Variants in WWP2 observed in about 807,000 individuals in gnomAD.
WWP2 encodes the protein WW domain containing E3 ubiquitin protein ligase 2.
WWP2 carries 57 observed loss-of-function variants against 121.0 expected under a neutral mutation model. The observed-to-expected ratio is 0.47, with a 90% CI of 0.38 to 0.59. The LOEUF (loss-of-function observed/expected upper bound fraction) is 0.59. Ranked by LOEUF, WWP2 falls within the 20% of genes least tolerant of loss-of-function variation. The pLI, the probability that WWP2 is intolerant of heterozygous loss-of-function variation, is 0.00. For missense variants in WWP2, 962 were observed against 1,158.9 expected (o/e 0.83, Z 2.47); for synonymous variants, 449 against 441.3 (o/e 1.02, Z -0.22).
intron 10 of WWP2, among the ~76,000 whole-genome samples, chr16:69,922,447 C>G (rs1408494862): frequency 6.6e-6 from 1 of 152,226 alleles, no homozygotes; most frequent in Non-Finnish European, 1.5e-5. Context: ...CCCAGATCTC[C>G]CAACCCAGGG....
At chr16:69,802,049 C>A (rs1304819587) in intron 4 of WWP2, among the ~76,000 whole-genome samples, 1 of 151,880 alleles carries the variant, frequency 6.6e-6, no homozygotes, top group South Asian at 2.1e-4. Context: ...CCTGCCTCAG[C>A]CTCCCGAGTA....
chr16:69,937,726 C>CACG lies in WWP2; in HGVS notation c.2343+75_2343+77dup. The CACG allele has an allele frequency of 6.9e-7, 1 of 1,444,076 alleles. No homozygotes were observed. The highest frequency in any genetic ancestry group is 9.6e-7 in the Non-Finnish European group (1 of 1,038,902). 89.5% of individuals were successfully genotyped at this position (1,444,076 alleles called of 1,614,324 possible). ...AAGGAAACGGGTCCTGAGGAGGCCT[C>CACG]ACGCGCAAGGACCTTCAGCTTTGGC... is the stretch of plus-strand genomic sequence containing the variant. On this transcript the variant is annotated intron_variant, in intron 21 of 23. Coordinates refer to ENST00000359154, the MANE Select transcript of WWP2 (RefSeq NM_001270454.2). This position sits in a 1 kb window ranked among gnomAD's most constrained non-coding sequence, Gnocchi z 6.6.
chr16:69,799,764 T>C lies in WWP2; in HGVS notation c.340+469T>C, dbSNP rs1404401213. ...TGGGATAGTATTACAAATAGTGCCC[T>C]GTGCTTACTCGGCACTCAGTAAACA... On this transcript the variant is annotated intron_variant, in intron 4 of 23. Transcript: ENST00000359154. The surrounding 1 kb of genome is among the most constrained non-coding windows in gnomAD (Gnocchi z 4.5). Among the ~76,000 whole-genome samples the C allele has an allele frequency of 2.0e-5, 3 of 152,206 alleles. No individual in the cohort carries two copies. The highest frequency in any genetic ancestry group is 2.9e-5 in the Non-Finnish European group (2 of 68,034).
chr16:69,868,771 T>C (rs923287418), intron 6 of WWP2, among the ~76,000 whole-genome samples: 1 of 152,122 alleles, frequency 6.6e-6, no homozygotes, highest in Non-Finnish European at 1.5e-5. Context: ...TTGGAACTCA[T>C]TTGTGCTCAT....
chr16:69,924,868 C>CAGATGGG, intron 10 of WWP2: 1 of 952,860 alleles, frequency 1.0e-6, no homozygotes, highest in Non-Finnish European at 1.2e-6. Flanking sequence ...GCTGCACACC[C>CAGATGGG]AGATGGGAGG....
intron 2 of WWP2, among the ~76,000 whole-genome samples, chr16:69,788,672 C>T (rs1241269686): frequency 6.6e-6 from 1 of 152,202 alleles, no homozygotes; most frequent in African/African-American, 2.4e-5. Flanking sequence ...TCCCTCTCTT[C>T]TTTATATTTT....
Position 69,799,378 on chromosome 16 carries a change from C to T in WWP2, c.340+83C>T. On this transcript the variant is annotated intron_variant, in intron 4 of 23. Transcript: ENST00000359154. This position sits in a 1 kb window ranked among gnomAD's most constrained non-coding sequence, Gnocchi z 4.5. ...CAGATCAACCTGGTATTGCAATTTC[C>T]CCCAGGACTAGGGGCTGCAGTACCT... is the stretch of plus-strand genomic sequence containing the variant. 2 of 1,540,724 alleles carry T rather than the reference C, an allele frequency of 1.3e-6. No individual in the cohort carries two copies. The highest frequency in any genetic ancestry group is 2.0e-5 in the Admixed American group (1 of 51,018).
In WWP2 at chr16:69,810,277, C is replaced by A. The variant is rs372851157; in HGVS notation, c.340+10982C>A. The stretch of plus-strand genomic sequence containing the variant: ...ACGTCCCGCAGTGGCGGATGGTCAA[C>A]CTGGGCTGACTTCTCTCTGAGGGGA... On this transcript the variant is annotated intron_variant, in intron 4 of 23. Coordinates refer to ENST00000359154, the MANE Select transcript of WWP2 (RefSeq NM_001270454.2). Among the ~76,000 whole-genome samples the A allele has an allele frequency of 3.4e-4, 49 of 144,990 alleles. No homozygotes were observed. The South Asian group carries it at 4.9e-3, about 15-fold the overall frequency.
chr16:69,933,543 TTAC>T (rs2058750923), intron 16 of WWP2, among the ~76,000 whole-genome samples: 1 of 152,188 alleles, frequency 6.6e-6, no homozygotes, highest in Admixed American at 6.6e-5. Flanking sequence ...AACAGGGTAG[TTAC>T]TATTCAAACA....
chr16:69,822,532 GGTGTGTGTGTGTGT>G (rs142800550), intron 4 of WWP2, among the ~76,000 whole-genome samples: 5 of 151,102 alleles, frequency 3.3e-5, no homozygotes, highest in African/African-American at 1.2e-4. Context: ...GCCTGGGTGG[GGTGTGTGTGTGTGT>G]GTGTTTGTGT....
intron 1 of WWP2, among the ~76,000 whole-genome samples, chr16:69,784,347 G>T (rs1276439512): frequency 6.6e-6 from 1 of 152,040 alleles, no homozygotes; most frequent in Admixed American, 6.6e-5. Flanking sequence ...TGATCCACCC[G>T]CCTTGGCCTC....
At chr16:69,768,071 A>G (rs2038770608) in intron 1 of WWP2, among the ~76,000 whole-genome samples, 1 of 152,104 alleles carries the variant, frequency 6.6e-6, no homozygotes, top group Non-Finnish European at 1.5e-5. Flanking sequence ...CTCCGGGCTC[A>G]AGTGATCCTC....
chr16:69,777,656 A>G (rs2055565064), intron 1 of WWP2, among the ~76,000 whole-genome samples: 1 of 151,970 alleles, frequency 6.6e-6, no homozygotes, highest in South Asian at 2.1e-4. Flanking sequence ...TACAACTTTT[A>G]TAGTTTCTAC....
chr16:69,897,262 C>T (rs2058119901), intron 8 of WWP2, among the ~76,000 whole-genome samples: 1 of 152,048 alleles, frequency 6.6e-6, no homozygotes, highest in Admixed American at 6.6e-5. Flanking sequence ...CCTACCATGC[C>T]AGGCTAATTT....
intron 4 of WWP2, among the ~76,000 whole-genome samples, chr16:69,815,707 A>C (rs1346161282): frequency 1.3e-5 from 2 of 151,266 alleles, no homozygotes; most frequent in Non-Finnish European, 2.9e-5. Flanking sequence ...GAATTGCTTG[A>C]ACCTGAGAGG....
At chr16:69,898,619 T>C (rs578217506) in intron 8 of WWP2, among the ~76,000 whole-genome samples, 144 of 152,366 alleles carry the variant, frequency 9.5e-4, no homozygotes, top group African/African-American at 3.4e-3. Context: ...GTTTCTTCTT[T>C]TATAAATTGC....
Position 69,799,076 on chromosome 16 carries a change from C to A in WWP2, c.219-98C>A. 6.6e-7 allele frequency: 1 copy of A among 1,521,740 alleles called. No homozygotes were observed. The highest frequency in any genetic ancestry group is 1.3e-5 in the South Asian group (1 of 76,200). 94.3% of individuals were successfully genotyped at this position (1,521,740 alleles called of 1,614,324 possible). On this transcript the variant is annotated intron_variant, in intron 3 of 23. Coordinates refer to ENST00000359154, the MANE Select transcript of WWP2 (RefSeq NM_001270454.2). This position sits in a 1 kb window ranked among gnomAD's most constrained non-coding sequence, Gnocchi z 4.5. ...ATGTGGGTGTCTGCCTGTTTTGGTT[C>A]CCCCTCCCCAAGATGTCAGCAGTTT...
intron 7 of WWP2, among the ~76,000 whole-genome samples, chr16:69,872,698 T>G (rs2057662795): frequency 6.6e-6 from 1 of 152,236 alleles, no homozygotes. Flanking sequence ...AGATGCTGAC[T>G]GGGGCAGAGC....
At chr16:69,844,207 T>G (rs555785785) in intron 6 of WWP2, among the ~76,000 whole-genome samples, 10 of 152,280 alleles carry the variant, frequency 6.6e-5, no homozygotes, top group African/African-American at 2.4e-4. Flanking sequence ...CTTACAATAG[T>G]TGGGTCTCAC....
Sources: allele counts gnomAD v4.1 joint callset (sites outside exome capture counted in the v4.1 genomes callset), GRCh38; gene constraint gnomAD v4.1.1; non-coding constraint Gnocchi (gnomAD v3.1); transcripts MANE v1.5; gene names NCBI Gene and HGNC (gene_info 2026-07-23, HGNC 2026-07-21).